The following ATRNL1 variants were observed in gnomAD, a reference collection of about 807,000 sequenced individuals.
ATRNL1 encodes the protein attractin like 1.
ATRNL1 carries 95 observed loss-of-function variants against 182.7 expected under a neutral mutation model. That is an observed-to-expected ratio of 0.52 (90% CI 0.44 to 0.62). ATRNL1 has a LOEUF of 0.62. Ranked by LOEUF, ATRNL1 falls within the 20% of genes least tolerant of loss-of-function variation. ATRNL1 has a pLI of 0.00. For synonymous variants in ATRNL1, 576 were observed against 568.3 expected, an observed-to-expected ratio of 1.01 and a Z score of -0.19; for missense variants, 1,471 against 1,679.5, an observed-to-expected ratio of 0.88 and a Z score of 2.17.
Position 115,106,508 on chromosome 10 carries a change from G to A in ATRNL1, c.293+12465G>A, listed in dbSNP as rs146565782. On this transcript the variant is annotated intron_variant, in intron 1 of 28. Transcript: ENST00000355044. ...AGGGGCAGAATGATATGGTTTGGCT[G>A]TGTTCCCATTCAAGCCTCAGTTTGA... 3.6e-3 allele frequency among the ~76,000 whole-genome samples: 554 copies of A among 152,258 alleles called. 2 individuals are homozygous for A. The highest frequency in any genetic ancestry group is 0.012 in the African/African-American group (501 of 41,540).
At chr10:115,830,715 G>A (rs1950540170) in intron 27 of ATRNL1, among the ~76,000 whole-genome samples, 1 of 152,148 alleles carries the variant, frequency 6.6e-6, no homozygotes, top group South Asian at 2.1e-4. Context: ...GCATTTGGCA[G>A]CATATTGAAG....
chr10:115,697,605 C>G (rs1555050271), intron 26 of ATRNL1, among the ~76,000 whole-genome samples: 2 of 152,146 alleles, frequency 1.3e-5, no homozygotes, highest in African/African-American at 4.8e-5. Flanking sequence ...GGATTACAGG[C>G]ATGAGCCACT....
chr10:115,940,697 CT>C (rs782650348), intron 28 of ATRNL1, among the ~76,000 whole-genome samples: 6 of 58,878 alleles, frequency 1.0e-4, no homozygotes, highest in South Asian at 4.3e-4. Flanking sequence ...CTCTCTCTCT[CT>C]TCTCTCTCTC....
intron 26 of ATRNL1, among the ~76,000 whole-genome samples, chr10:115,588,351 T>C (rs1220427460): frequency 6.6e-6 from 1 of 152,060 alleles, no homozygotes; most frequent in Non-Finnish European, 1.5e-5. Context: ...GAGCTTAGAG[T>C]GTTGGCAGAT....
intron 17 of ATRNL1, among the ~76,000 whole-genome samples, chr10:115,306,729 CTGTT>C (rs1436130870): frequency 1.0e-4 from 15 of 149,796 alleles, no homozygotes; most frequent in Admixed American, 8.5e-4. Context: ...TTTCTTAACT[CTGTT>C]TGCATTTTTT....
chr10:115,521,051 T>G (rs2133705979), intron 25 of ATRNL1, among the ~76,000 whole-genome samples: 1 of 152,306 alleles, frequency 6.6e-6, no homozygotes, highest in African/African-American at 2.4e-5. Flanking sequence ...AAATGAATTT[T>G]AAGGCTATTA....
intron 22 of ATRNL1, 23 bp downstream of exon 22, chr10:115,462,058 T>C: frequency 6.5e-7 from 1 of 1,530,286 alleles, no homozygotes; most frequent in Non-Finnish European, 8.9e-7. Flanking sequence ...TGTTATCTTT[T>C]AAAGTATAAT....
At chr10:115,160,454 T>C (rs1846730270) in intron 6 of ATRNL1, among the ~76,000 whole-genome samples, 1 of 151,756 alleles carries the variant, frequency 6.6e-6, no homozygotes, top group Admixed American at 6.6e-5. Context: ...AAATTCTGAG[T>C]AAGAAAATAT....
intron 19 of ATRNL1, among the ~76,000 whole-genome samples, chr10:115,372,551 A>G (rs1270939800): frequency 8.5e-5 from 13 of 152,206 alleles, no homozygotes; most frequent in African/African-American, 3.1e-4. Flanking sequence ...ATTTTTGAAT[A>G]TGGTATAAGA....
intron 20 of ATRNL1, among the ~76,000 whole-genome samples, chr10:115,420,734 TA>T (rs1280173145): frequency 6.6e-6 from 1 of 151,836 alleles, no homozygotes; most frequent in African/African-American, 2.4e-5. Context: ...AAATAGAGAC[TA>T]AAAATACAAA....
intron 9 of ATRNL1, among the ~76,000 whole-genome samples, chr10:115,231,564 T>C (rs1445015663): frequency 6.6e-6 from 1 of 152,110 alleles, no homozygotes; most frequent in Non-Finnish European, 1.5e-5. Flanking sequence ...GTTTGTAGGT[T>C]GACAGGAAAG....
chr10:115,911,471 C>A (rs1268975275), intron 28 of ATRNL1, among the ~76,000 whole-genome samples: 1 of 152,144 alleles, frequency 6.6e-6, no homozygotes, highest in Admixed American at 6.6e-5. Context: ...GTGCCCACCA[C>A]CATGCCCAGC....
At chr10:115,122,925 C>G (rs1844807423) in intron 3 of ATRNL1, among the ~76,000 whole-genome samples, 1 of 152,070 alleles carries the variant, frequency 6.6e-6, no homozygotes, top group Admixed American at 6.6e-5. Flanking sequence ...ATCCTCAGTT[C>G]ATACATTTAT....
chr10:115,859,391 G>T (rs375253068), intron 28 of ATRNL1, among the ~76,000 whole-genome samples: 3 of 152,080 alleles, frequency 2.0e-5, no homozygotes, highest in South Asian at 2.1e-4. Flanking sequence ...CATATTTATT[G>T]TAACATGTTG....
intron 28 of ATRNL1, among the ~76,000 whole-genome samples, chr10:115,941,034 G>A (rs1346000601): frequency 1.3e-5 from 2 of 152,152 alleles, no homozygotes; most frequent in Non-Finnish European, 2.9e-5. Context: ...ATGAAACATT[G>A]TTTGGCCCAT....
chr10:115,905,654 T>C (rs1555114394), intron 28 of ATRNL1, among the ~76,000 whole-genome samples: 6 of 152,178 alleles, frequency 3.9e-5, no homozygotes, highest in Non-Finnish European at 8.8e-5. Context: ...TACATTTGTA[T>C]TTATGGGAAA....
At chr10:115,104,689 A>G (rs1843924884) in intron 1 of ATRNL1, among the ~76,000 whole-genome samples, 1 of 152,128 alleles carries the variant, frequency 6.6e-6, no homozygotes, top group Non-Finnish European at 1.5e-5. Context: ...TTAGATTTCT[A>G]AGTCTTTAAT....
rs1469896387 is a variant in ATRNL1 at position 115,286,386 on chromosome 10, T to G, written c.2404T>G (p.Tyr802Asp). The part of the protein sequence containing the change: ...VEFVLDEIQK[Y>D]TQQKVSPWVG... ...ATTTGTTCTGGATGAAATACAGAAG[T>G]ATACACAACAGGTAACATTTCTACT... The change falls in exon 15 of 29, where the codon TAT becomes GAT. Residue 802 changes from tyrosine to aspartate, a missense_variant. Around this residue, in one of 3 missense-constraint regions of ATRNL1, gnomAD observed 1,031 missense variants for 1,156.0 expected, o/e 0.89. Transcript: ENST00000355044. 4 of 1,561,076 alleles carry G rather than the reference T, an allele frequency of 2.6e-6. No homozygotes were observed. The highest frequency in any genetic ancestry group is 2.6e-6 in the Non-Finnish European group (3 of 1,148,178).
intron 28 of ATRNL1, among the ~76,000 whole-genome samples, chr10:115,906,476 C>G (rs1269090210): frequency 6.6e-6 from 1 of 152,094 alleles, no homozygotes; most frequent in East Asian, 1.9e-4. Context: ...GGCTCTGTGT[C>G]TTGTTTTCCT....
Sources: gnomAD v4.1 joint callset for allele counts (sites outside exome capture counted in the v4.1 genomes callset) on GRCh38, gnomAD v4.1.1 for gene constraint, gnomAD v4.1.1 regional missense constraint, MANE v1.5 for transcripts, NCBI Gene and HGNC (gene_info 2026-07-23, HGNC 2026-07-21) for gene names.